The following ALCAM variants were observed in gnomAD, a reference collection of about 807,000 sequenced individuals.
The protein encoded by ALCAM is activated leukocyte cell adhesion molecule.
ALCAM carries 30 observed loss-of-function variants against 70.9 expected under a neutral mutation model. The ratio of observed to expected loss-of-function variants is 0.42; its 90% CI spans 0.32 to 0.57. The LOEUF (loss-of-function observed/expected upper bound fraction) is 0.57, where lower values mean the gene tolerates loss of function less well. Ranked by LOEUF, ALCAM falls within the 20% of genes least tolerant of loss-of-function variation. The pLI, the probability that ALCAM is intolerant of heterozygous loss-of-function variation, is 0.11. For synonymous variants in ALCAM, 249 were observed against 242.5 expected (o/e 1.03, Z -0.25); for missense variants, 591 against 695.1 (o/e 0.85, Z 1.68).
intron 1 of ALCAM, among the ~76,000 whole-genome samples, chr3:105,383,137 C>T (rs1453976209): frequency 1.3e-5 from 2 of 151,730 alleles, no homozygotes; most frequent in Non-Finnish European, 2.9e-5. Context: ...CCCTATCCTT[C>T]AGAACACAGT....
rs187130399 is a variant in ALCAM, at chr3:105,428,604, A to G, written c.73+61123A>G. Among the ~76,000 whole-genome samples, 325 of 152,076 alleles carry G rather than the reference A, an allele frequency of 2.1e-3. 2 individuals carry two copies. The highest frequency in any genetic ancestry group is 7.3e-3 in the African/African-American group (305 of 41,542). On this transcript the variant is annotated intron_variant, in intron 1 of 15. Transcript: ENST00000306107. ...AGACATTACAGTCCTGACCTCTGGTAAGTATTTCAGAATTGTCACTTTCAA... is the reference window on the plus strand; with the variant it reads ...AGACATTACAGTCCTGACCTCTGGTGAGTATTTCAGAATTGTCACTTTCAA...
chr3:105,405,277 CAAAAAAAAAAAAA>C (rs35101188), intron 1 of ALCAM, among the ~76,000 whole-genome samples: 1 of 65,218 alleles, frequency 1.5e-5, no homozygotes, highest in Admixed American at 2.1e-4. Flanking sequence ...AACTTCGTCT[CAAAAAAAAAAAAA>C]AAAAAAAAAA....
intron 13 of ALCAM, 86 bp from the exon 14 acceptor site, chr3:105,552,382 T>G (rs1003889560): frequency 5.5e-6 from 8 of 1,450,082 alleles, no homozygotes; most frequent in Non-Finnish European, 7.7e-6. Flanking sequence ...CTTTAGTCAT[T>G]TTTAATACAA....
chr3:105,446,440 C>A (rs1290288020), intron 1 of ALCAM, among the ~76,000 whole-genome samples: 1 of 151,998 alleles, frequency 6.6e-6, no homozygotes, highest in Non-Finnish European at 1.5e-5. Context: ...AATGGAACAA[C>A]CATAAAATCC....
intron 1 of ALCAM, among the ~76,000 whole-genome samples, chr3:105,484,038 A>T (rs1393487408): frequency 6.6e-6 from 1 of 152,086 alleles, no homozygotes; most frequent in African/African-American, 2.4e-5. Context: ...AAATGATCAG[A>T]AAGCTGTCGC....
At chr3:105,550,104 C>T in intron 11 of ALCAM, 23 bp from the exon 12 acceptor site, 1 of 1,565,870 alleles carries the variant, frequency 6.4e-7, no homozygotes, top group Non-Finnish European at 8.7e-7. Context: ...TTTCTAAACC[C>T]ACCTTTTTTC....
intron 1 of ALCAM, among the ~76,000 whole-genome samples, chr3:105,376,395 C>A (rs1935379368): frequency 6.6e-6 from 1 of 152,112 alleles, no homozygotes. Flanking sequence ...CTGTAAAGAA[C>A]CTAAAAATTA....
chr3:105,455,169 C>T (rs911382133), intron 1 of ALCAM, among the ~76,000 whole-genome samples: 4 of 151,814 alleles, frequency 2.6e-5, no homozygotes, highest in Non-Finnish European at 5.9e-5. Flanking sequence ...TGGCCGGGCA[C>T]GGTGGCTCAA....
intron 1 of ALCAM, among the ~76,000 whole-genome samples, chr3:105,489,103 C>A (rs979322096): frequency 6.6e-6 from 1 of 152,092 alleles, no homozygotes; most frequent in African/African-American, 2.4e-5. Context: ...AAGTTGAGAT[C>A]CAAGAACATA....
rs556223117 is a variant in ALCAM, at chr3:105,571,401, TAAAG to T, written c.1665-449_1665-446del. Among the ~76,000 whole-genome samples the T allele has an allele frequency of 4.9e-4, 75 of 152,234 alleles. No individual in the cohort carries two copies. In the South Asian group the frequency reaches 0.014, roughly 29 times the overall value. ...TGTATTCAGTAAAACAGAATATTCA[TAAAG>T]ATAGACATAGGGTGTTAGCTCAACT... On this transcript the variant is annotated intron_variant, in intron 14 of 15. Transcript: ENST00000306107.
At chr3:105,429,547 AT>A (rs1936875579) in intron 1 of ALCAM, among the ~76,000 whole-genome samples, 1 of 151,988 alleles carries the variant, frequency 6.6e-6, no homozygotes, top group African/African-American at 2.4e-5. Flanking sequence ...CAAATTGGTT[AT>A]TTATTAAGCT....
Position 105,524,218 on chromosome 3 carries a change from G to A in ALCAM, c.175-71G>A, listed in dbSNP as rs1003750522. ...ATTGGTAGAATATGGCCAAGGAAAT[G>A]TTATTTTGAATGTAATCCTGAAACA... is the stretch of plus-strand genomic sequence containing the variant. On this transcript the variant is annotated intron_variant, in intron 2 of 15. Transcript: ENST00000306107. 7 of 1,300,158 alleles carry A rather than the reference G, an allele frequency of 5.4e-6. No homozygotes were observed. In the African/African-American group the frequency reaches 9.0e-5, roughly 17 times the overall value. The allele number at this position is 1,300,158 out of a possible 1,614,324, so 80.5% of individuals were successfully genotyped here. A position where few individuals can be genotyped will look rare whatever the true frequency, so the allele number is the denominator to read the frequency against.
chr3:105,431,145 A>C (rs1033683777), intron 1 of ALCAM, among the ~76,000 whole-genome samples: 9 of 151,352 alleles, frequency 5.9e-5, no homozygotes, highest in Non-Finnish European at 1.2e-4. Flanking sequence ...TTCGAAACAA[A>C]AAAAAAAAAA....
intron 1 of ALCAM, among the ~76,000 whole-genome samples, chr3:105,399,437 C>A (rs1936033755): frequency 6.6e-6 from 1 of 151,864 alleles, no homozygotes; most frequent in Non-Finnish European, 1.5e-5. Flanking sequence ...TTTATTATTA[C>A]CCATATATCA....
intron 14 of ALCAM, among the ~76,000 whole-genome samples, chr3:105,560,777 G>T (rs1356426108): frequency 6.6e-6 from 1 of 151,574 alleles, no homozygotes; most frequent in Non-Finnish European, 1.5e-5. Context: ...TCCAGCACTT[G>T]TTAAAAGGAC....
At chr3:105,501,175 T>C (rs1192744650) in intron 1 of ALCAM, among the ~76,000 whole-genome samples, 1 of 152,174 alleles carries the variant, frequency 6.6e-6, no homozygotes, top group African/African-American at 2.4e-5. Context: ...CGGGCTGTTA[T>C]CATTAGCGAG....
intron 1 of ALCAM, among the ~76,000 whole-genome samples, chr3:105,375,320 G>C (rs1316974050): frequency 1.3e-5 from 2 of 152,006 alleles, no homozygotes; most frequent in Non-Finnish European, 2.9e-5. Flanking sequence ...TATCATACAG[G>C]CTCCACAATA....
rs181981253 is a variant in ALCAM at position 105,535,697 on chromosome 3, C to G, written c.730+852C>G. 3.3e-5 allele frequency among the ~76,000 whole-genome samples: 5 copies of G among 151,946 alleles called. No homozygotes were observed. In the East Asian group the frequency reaches 9.7e-4, roughly 29 times the overall value. On this transcript the variant is annotated intron_variant, in intron 6 of 15. Coordinates refer to ENST00000306107, the MANE Select transcript of ALCAM (RefSeq NM_001627.4). ...ATTATTATTATTATATGGTCATTAT[C>G]ACAATATAAACATAGAGCTGAAGAT...
At chr3:105,550,381 C>T in intron 12 of ALCAM, 122 bp downstream of exon 12, 1 of 981,832 alleles carries the variant, frequency 1.0e-6, no homozygotes, top group Non-Finnish European at 1.4e-6. Context: ...ATTTATTTTG[C>T]ATTTGGTATC....
Sources: gnomAD v4.1 joint callset for allele counts (sites outside exome capture counted in the v4.1 genomes callset) on GRCh38, gnomAD v4.1.1 for gene constraint, MANE v1.5 for transcripts, NCBI Gene and HGNC (gene_info 2026-07-23, HGNC 2026-07-21) for gene names.